WFDC1: variants seen among roughly 807,000 people sequenced by gnomAD.
WFDC1 encodes WAP four-disulfide core domain 1.
A neutral mutation model predicts 32.9 loss-of-function variants in WFDC1; 39 were observed. The ratio of observed to expected loss-of-function variants is 1.19; its 90% CI spans 0.92 to 1.55. The LOEUF (loss-of-function observed/expected upper bound fraction) is 1.55. Ranked by LOEUF, WFDC1 falls within the 40% of genes most tolerant of loss-of-function variation. The pLI is 0.00. For missense variants in WFDC1, 386 were observed against 309.5 expected, an observed-to-expected ratio of 1.25 and a Z score of -1.85; for synonymous variants, 184 against 137.4, an observed-to-expected ratio of 1.34 and a Z score of -2.37.
At chr16:84,319,346 C>A in intron 3 of WFDC1, 85 bp from the exon 4 acceptor site, 1 of 1,546,868 alleles carries the variant, frequency 6.5e-7, no homozygotes, top group Non-Finnish European at 8.7e-7. Flanking sequence ...CTGCACCCGT[C>A]CCGGGAGTCT....
rs149135608 is a variant in WFDC1 at position 84,295,794 on chromosome 16, G to T, written c.144+679G>T. On this transcript the variant is annotated intron_variant, in intron 1 of 6. Coordinates refer to ENST00000219454, the MANE Select transcript of WFDC1 (RefSeq NM_021197.4). ...CTGCGTGGCTTCTCTCAGGCAAGCT[G>T]CTTGACGTCTCTGAACCCCAGCAAT... 3.5e-3 allele frequency: 529 copies of T among 152,502 alleles called. 4 individuals carry two copies. Among genetic ancestry groups the T allele is most frequent in the Non-Finnish European group, 3.7e-3 (249 of 68,136 alleles). The allele number at this position is 152,502 out of a possible 1,614,324, so 9.4% of individuals were successfully genotyped here.
chr16:84,310,740 G>A (rs1907566436), intron 1 of WFDC1, among the ~76,000 whole-genome samples: 1 of 152,146 alleles, frequency 6.6e-6, no homozygotes, highest in Admixed American at 6.5e-5. Flanking sequence ...TCCGAACCGT[G>A]GTTTTCTTCA....
At chr16:84,317,995 A>AG (rs1908058664) in intron 2 of WFDC1, 2 of 356,872 alleles carry the variant, frequency 5.6e-6, no homozygotes, top group African/African-American at 4.1e-5. Context: ...CCCCGATTGG[A>AG]GGGTGAGACA....
chr16:84,300,282 G>A (rs1205505277), intron 1 of WFDC1, among the ~76,000 whole-genome samples: 2 of 152,262 alleles, frequency 1.3e-5, no homozygotes, highest in African/African-American at 4.8e-5. Context: ...GAGCCCGATG[G>A]CCCAGCTGGC....
chr16:84,310,680 T>A (rs1907562069), intron 1 of WFDC1, among the ~76,000 whole-genome samples: 1 of 152,190 alleles, frequency 6.6e-6, no homozygotes, highest in Non-Finnish European at 1.5e-5. Context: ...ATATGTTACA[T>A]CTGTGTGCAT....
At chr16:84,319,315 T>C in intron 3 of WFDC1, 116 bp from the exon 4 acceptor site, 1 of 1,447,784 alleles carries the variant, frequency 6.9e-7, no homozygotes, top group Non-Finnish European at 9.3e-7. Flanking sequence ...CGAGGCCGCC[T>C]CTCTGGGTGA....
At chr16:84,328,918 A>G (rs1177393297) in intron 6 of WFDC1, 1 of 151,254 alleles carries the variant, frequency 6.6e-6, no homozygotes, top group African/African-American at 2.4e-5. Flanking sequence ...GCACCATTGC[A>G]CTCCAGCCTG....
At chr16:84,313,369 C>G (rs866992154) in intron 2 of WFDC1, among the ~76,000 whole-genome samples, 29 of 152,244 alleles carry the variant, frequency 1.9e-4, no homozygotes, top group African/African-American at 6.7e-4. Flanking sequence ...TGGGGACTTG[C>G]GTTGTAGGAG....
chr16:84,324,530 G>A, intron 5 of WFDC1, 70 bp downstream of exon 5: 1 of 1,549,748 alleles, frequency 6.5e-7, no homozygotes, highest in Non-Finnish European at 8.8e-7. Context: ...CTTATGTGAA[G>A]AAAAAAATAA....
At chr16:84,302,051 C>T (rs573576768) in intron 1 of WFDC1, among the ~76,000 whole-genome samples, 187 of 152,324 alleles carry the variant, frequency 1.2e-3, no homozygotes, top group Middle Eastern at 6.8e-3. Flanking sequence ...TAGAAAGGTA[C>T]GGAGCCTGGA....
chr16:84,296,029 C>T (rs1158734902), intron 1 of WFDC1, among the ~76,000 whole-genome samples: 1 of 152,068 alleles, frequency 6.6e-6, no homozygotes, highest in Non-Finnish European at 1.5e-5. Context: ...AGCAATAAAG[C>T]AGGAAGGGAA....
chr16:84,324,333 A>C (rs936465536), intron 4 of WFDC1, 86 bp from the exon 5 acceptor site: 3 of 1,273,720 alleles, frequency 2.4e-6, no homozygotes, highest in Non-Finnish European at 3.4e-6. Flanking sequence ...ACTGAAAAAC[A>C]CAAGTAATTC....
At position 84,312,945 on chromosome 16, in the gene WFDC1, C is replaced by A. The variant is rs1028366668; in HGVS notation, c.145-16C>A. 646 of 1,152,368 alleles carry A rather than the reference C, an allele frequency of 5.6e-4. No homozygotes were observed. The highest frequency in any genetic ancestry group is 2.8e-3 in the Admixed American group (60 of 21,228). 71.4% of individuals were successfully genotyped at this position (1,152,368 alleles called of 1,614,324 possible). A position where few individuals can be genotyped will look rare whatever the true frequency, so the allele number is the denominator to read the frequency against. ...ACGCGCGCCCCAGAGCTGCTGACAC[C>A]GCCCTCTCCCCGCAGGCCGAGGAGG... On this transcript the variant is annotated splice_polypyrimidine_tract_variant and intron_variant, in intron 1 of 6. Coordinates refer to ENST00000219454, the MANE Select transcript of WFDC1 (RefSeq NM_021197.4).
In WFDC1 at chr16:84,297,383, C is replaced by T. The variant is rs369059354; in HGVS notation, c.144+2268C>T. On this transcript the variant is annotated intron_variant, in intron 1 of 6. Coordinates refer to ENST00000219454, the MANE Select transcript of WFDC1 (RefSeq NM_021197.4). ...CTGTAATCCCAGCACTTTGGGAGGC[C>T]GAGGCGGGTGGATCACCTGAGGTCA... Among the ~76,000 whole-genome samples the T allele has an allele frequency of 1.3e-4, 20 of 152,136 alleles. No individual in the cohort carries two copies. In the South Asian group the frequency reaches 3.3e-3, roughly 25 times the overall value.
chr16:84,314,339 G>T (rs1907826664), intron 2 of WFDC1, among the ~76,000 whole-genome samples: 1 of 152,194 alleles, frequency 6.6e-6, no homozygotes, highest in Non-Finnish European at 1.5e-5. Flanking sequence ...GCCCTTGGGT[G>T]GGGAAAATGT....
intron 2 of WFDC1, 66 bp downstream of exon 2, chr16:84,313,219 A>G: frequency 3.8e-6 from 5 of 1,307,274 alleles, no homozygotes; most frequent in Non-Finnish European, 4.9e-6. Context: ...GTCCCGGGGG[A>G]GGGGAAGAAA....
intron 3 of WFDC1, chr16:84,318,941 T>C (rs535392672): frequency 8.3e-5 from 15 of 180,854 alleles, no homozygotes; most frequent in African/African-American, 3.0e-4. Context: ...TGTGTGTGTG[T>C]GCATGCAAAA....
chr16:84,307,713 A>G (rs1019283982), intron 1 of WFDC1, among the ~76,000 whole-genome samples: 2 of 152,124 alleles, frequency 1.3e-5, no homozygotes, highest in East Asian at 1.9e-4. Context: ...CCCCCTCCCG[A>G]CGACGTACGG....
intron 2 of WFDC1, among the ~76,000 whole-genome samples, chr16:84,313,750 G>A (rs893864378): frequency 6.6e-6 from 1 of 152,236 alleles, no homozygotes; most frequent in Non-Finnish European, 1.5e-5. Flanking sequence ...AGAGAGGAGC[G>A]GGTGCGTGGC....
Sources: gnomAD v4.1 joint callset for allele counts (sites outside exome capture counted in the v4.1 genomes callset) on GRCh38, gnomAD v4.1.1 for gene constraint, MANE v1.5 for transcripts, NCBI Gene and HGNC (gene_info 2026-07-23, HGNC 2026-07-21) for gene names.